The following COL16A1 variants were observed in gnomAD, a reference collection of about 807,000 sequenced individuals.
The protein encoded by COL16A1 is collagen type XVI alpha 1 chain.
COL16A1 carries 189 observed loss-of-function variants against 266.3 expected under a neutral mutation model. That is an observed-to-expected ratio of 0.71 (90% CI 0.63 to 0.80). The LOEUF (loss-of-function observed/expected upper bound fraction) is 0.80. Ranked by LOEUF, COL16A1 falls within the 30% of genes least tolerant of loss-of-function variation. The probability of loss-of-function intolerance (pLI) is 0.00; values close to 1 mark genes in which losing one functional copy is unlikely to be tolerated. For synonymous variants in COL16A1, 740 were observed against 782.3 expected, an observed-to-expected ratio of 0.95 and a Z score of 0.90; for missense variants, 1,928 against 2,122.4, an observed-to-expected ratio of 0.91 and a Z score of 1.80.
At chr1:31,667,671 T>G in intron 51 of COL16A1, 43 bp from the exon 52 acceptor site, 2 of 1,555,980 alleles carry the variant, frequency 1.3e-6, no homozygotes, top group Non-Finnish European at 1.8e-6. Flanking sequence ...CCCACAGAAT[T>G]AGTCCGTCAC....
Position 31,657,936 on chromosome 1 carries a change from G to A in COL16A1, c.4020+552C>T, listed in dbSNP as rs972195557. On this transcript the variant is annotated intron_variant, in intron 64 of 70. Transcript: ENST00000373672. The surrounding 1 kb of genome is among the most constrained non-coding windows in gnomAD (Gnocchi z 6.4). ...CTCCGAGCAACCTGCCTAACCTTGCGGAGCCCCCGTTTCCTCATCTGTAAA... is the reference window on the plus strand; with the variant it reads ...CTCCGAGCAACCTGCCTAACCTTGCAGAGCCCCCGTTTCCTCATCTGTAAA... Among the ~76,000 whole-genome samples the A allele has an allele frequency of 2.0e-5, 3 of 152,196 alleles. No homozygotes were observed. Among genetic ancestry groups the A allele is most frequent in the African/African-American group, 4.8e-5 (2 of 41,442 alleles).
chr1:31,676,444 C>A (rs1402180794), intron 42 of COL16A1, among the ~76,000 whole-genome samples: 1 of 152,110 alleles, frequency 6.6e-6, no homozygotes, highest in Non-Finnish European at 1.5e-5. Context: ...CTCTCTTAAC[C>A]ACAATTCTAG....
intron 70 of COL16A1, 26 bp downstream of exon 70, chr1:31,653,573 T>C: frequency 6.2e-7 from 1 of 1,607,624 alleles, no homozygotes; most frequent in Non-Finnish European, 8.5e-7. Context: ...TCTGGATTCA[T>C]GGTCTCAAAT....
chr1:31,661,759 A>G (rs1298771165), intron 58 of COL16A1, 55 bp from the exon 59 acceptor site: 18 of 1,553,620 alleles, frequency 1.2e-5, no homozygotes, highest in East Asian at 2.3e-5. Flanking sequence ...CTTGTATCCA[A>G]CTCATACCTC....
intron 43 of COL16A1, 89 bp from the exon 44 acceptor site, chr1:31,675,128 G>A (rs1021941416): frequency 1.9e-6 from 3 of 1,610,038 alleles, no homozygotes; most frequent in Admixed American, 1.7e-5. Context: ...GACACGTCAT[G>A]CACCTTCCAG....
rs1347516182 is a variant in COL16A1, at chr1:31,655,355, G to A, written c.4249C>T (p.Pro1417Ser). The A allele has an allele frequency of 5.0e-6, 8 of 1,612,832 alleles. No individual in the cohort carries two copies. The South Asian group carries it at 7.7e-5, about 16-fold the overall frequency. ...GERGHPGAPG[P>S]SGSPGLPGVP... ...CCAGGCAAGCCAGGGCTCCCCGAAG[G>A]CCCCGGAGCTCCAGGGTGGCCTCTC... The change falls in exon 67 of 71, where the codon CCT becomes TCT. Residue 1417 changes from proline to serine, a missense_variant. Transcript: ENST00000373672.
rs1187358389 is a variant in COL16A1 at position 31,664,495 on chromosome 1, G to A, written c.3555+677C>T. The stretch of plus-strand genomic sequence containing the variant: ...ACCCCAAGCTCAGAAGTCAATCTTC[G>A]GGCTTCTTACACCACCCACTCAGCA... On this transcript the variant is annotated intron_variant, in intron 56 of 70. Coordinates refer to ENST00000373672, the MANE Select transcript of COL16A1 (RefSeq NM_001856.4). The surrounding 1 kb of genome is among the most constrained non-coding windows in gnomAD (Gnocchi z 5.5). Among the ~76,000 whole-genome samples, 34 of 152,124 alleles carry A rather than the reference G, an allele frequency of 2.2e-4. No homozygotes were observed. The highest frequency in any genetic ancestry group is 2.1e-3 in the Admixed American group (32 of 15,278).
intron 56 of COL16A1, 28 bp from the exon 57 acceptor site, chr1:31,662,686 C>CG (rs1553159508): frequency 4.8e-4 from 485 of 1,020,830 alleles, no homozygotes; most frequent in East Asian, 1.9e-3. Context: ...CCCCCCCCCC[C>CG]GCCCCACAAT....
In COL16A1 at chr1:31,673,320, C is replaced by T. The variant is rs570982435; in HGVS notation, c.2860-480G>A. The T allele has an allele frequency of 1.1e-4, 19 of 175,086 alleles. No homozygotes were observed. The East Asian group carries it at 2.7e-3, about 25-fold the overall frequency. 10.8% of individuals were successfully genotyped at this position (175,086 alleles called of 1,614,324 possible). A position where few individuals can be genotyped will look rare whatever the true frequency, so the allele number is the denominator to read the frequency against. On this transcript the variant is annotated intron_variant, in intron 44 of 70. Transcript: ENST00000373672. Reference sequence around the variant, plus strand: ...TCAGATTGCTCACAGGCTCCTGGCTCGGATCGCGCCACCAGAATTGTCTTC... The same window carrying T: ...TCAGATTGCTCACAGGCTCCTGGCTTGGATCGCGCCACCAGAATTGTCTTC...
chr1:31,683,362 G>T lies in COL16A1; in HGVS notation c.2387C>A (p.Pro796His). ...GRGVQGPQGEPGAPGLPGIQG... is the reference protein window; with the variant it reads ...GRGVQGPQGEHGAPGLPGIQG... ...AATGCCAGGCAAACCCGGGGCTCCA[G>T]GCTCCCCCTGCAAGTCAGAAAGGGC... The change falls in exon 35 of 71, where the codon CCT becomes CAT. Residue 796 changes from proline (P) to histidine (H), a missense_variant. Around this residue, in one of 2 missense-constraint regions of COL16A1, gnomAD observed 1,552 missense variants for 1,637.2 expected, o/e 0.95. Coordinates refer to ENST00000373672, the MANE Select transcript of COL16A1 (RefSeq NM_001856.4). The T allele has an allele frequency of 6.2e-7, 1 of 1,614,098 alleles. No individual in the cohort carries two copies. Among genetic ancestry groups the T allele is most frequent in the South Asian group, 1.1e-5 (1 of 91,082 alleles).
At chr1:31,666,282 A>G in intron 52 of COL16A1, 1 of 599,712 alleles carries the variant, frequency 1.7e-6, no homozygotes, top group Non-Finnish European at 2.9e-6. Context: ...TCGTCCTGCC[A>G]CCTCCTGGCT....
At chr1:31,684,780 T>C in intron 30 of COL16A1, 41 bp downstream of exon 30, 1 of 1,613,996 alleles carries the variant, frequency 6.2e-7, no homozygotes, top group East Asian at 2.2e-5. Flanking sequence ...GGATCTGAGA[T>C]GATGCCATGC....
chr1:31,689,631 G>C (rs951813970), intron 23 of COL16A1, 110 bp downstream of exon 23: 4 of 833,446 alleles, frequency 4.8e-6, no homozygotes, highest in Non-Finnish European at 8.1e-6. Context: ...TAATCTCTCT[G>C]TAGCCACGAG....
Position 31,662,626 on chromosome 1 carries a change from C to A in COL16A1, c.3588G>T (p.Leu1196=). ...GSEGIRGPSG[L]PGSPGPPGPP... Reference sequence around the variant, plus strand: ...GTCCCGGTGGCCCAGGGGAGCCAGGCAGGCCTGATGGGCCTCGAATCCCTT... The same window carrying A: ...GTCCCGGTGGCCCAGGGGAGCCAGGAAGGCCTGATGGGCCTCGAATCCCTT... Residue 1196 remains leucine, a synonymous_variant, in exon 57 of 71, where the codon CTG becomes CTT. Coordinates refer to ENST00000373672, the MANE Select transcript of COL16A1 (RefSeq NM_001856.4). The A allele has an allele frequency of 1.3e-6, 2 of 1,560,476 alleles. No homozygotes were observed. The highest frequency in any genetic ancestry group is 1.7e-6 in the Non-Finnish European group (2 of 1,152,908).
rs762920912 is a variant in COL16A1 at position 31,655,488 on chromosome 1, A to T, written c.4116T>A (p.Ala1372=). ...GPPGPKGDPG[A]AGQKGQAGEK... ...CTCCTGCCTGGCCCTTCTGTCCTGCAGCTCCTGGATCACCCTACAAAGATA... is the reference window on the plus strand; with the variant it reads ...CTCCTGCCTGGCCCTTCTGTCCTGCTGCTCCTGGATCACCCTACAAAGATA... Residue 1372 remains alanine (A), a synonymous_variant, in exon 67 of 71, where the codon GCT becomes GCA. Coordinates refer to ENST00000373672, the MANE Select transcript of COL16A1 (RefSeq NM_001856.4). 48 of 1,613,848 alleles carry T rather than the reference A, an allele frequency of 3.0e-5. 1 individual carries two copies. Among genetic ancestry groups the T allele is most frequent in the Non-Finnish European group, 3.9e-5 (46 of 1,179,938 alleles).
Position 31,654,044 on chromosome 1 carries a change from CTG to C in COL16A1, c.4358-3_4358-2del. 13 of 1,611,042 alleles carry C rather than the reference CTG, an allele frequency of 8.1e-6. No homozygotes were observed. Among genetic ancestry groups the C allele is most frequent in the Non-Finnish European group, 1.0e-5 (12 of 1,178,544 alleles). ...CTGGAGGTGTAGTAAGCCATTCTCT[CTG>C]TAAAAAAAGGACAAGGACAGGGACA... On this transcript the variant is annotated splice_acceptor_variant and splice_polypyrimidine_tract_variant and intron_variant, in intron 68 of 70. Transcript: ENST00000373672. LOFTEE classifies it high-confidence loss of function.
At position 31,685,703 on chromosome 1, in the gene COL16A1, A is replaced by G. The variant is rs1159085961; in HGVS notation, c.1952T>C (p.Leu651Ser). Residue 651 changes from leucine (L) to serine (S), a missense_variant, in exon 29 of 71, where the codon TTG (leucine) becomes TCG (serine). Coordinates refer to ENST00000373672, the MANE Select transcript of COL16A1 (RefSeq NM_001856.4). The surrounding 1 kb of genome is among the most constrained non-coding windows in gnomAD (Gnocchi z 4.0). The part of the protein sequence containing the change: ...LQDGDVRVVA[L>S]PGPSGEKGEP... ...CCCCTTCTCTCCGGATGGGCCAGGC[A>G]AGGCCACCACACGGACATCCCCATC... 6.2e-7 allele frequency: 1 copy of G among 1,613,990 alleles called. No individual in the cohort carries two copies. The highest frequency in any genetic ancestry group is 1.7e-5 in the Admixed American group (1 of 60,016).
chr1:31,672,946 C>A (rs1444965521), intron 44 of COL16A1, 106 bp from the exon 45 acceptor site: 3 of 1,040,424 alleles, frequency 2.9e-6, no homozygotes, highest in Non-Finnish European at 4.3e-6. Context: ...CCTGCCCTGC[C>A]GTCTTCCCTC....
intron 21 of COL16A1, 66 bp downstream of exon 21, chr1:31,690,463 A>G (rs901868466): frequency 6.2e-7 from 1 of 1,613,936 alleles, no homozygotes; most frequent in African/African-American, 1.3e-5. Flanking sequence ...GGGCCGGAGG[A>G]CCTAGCCCCT....
Sources: gnomAD v4.1 joint callset for allele counts (sites outside exome capture counted in the v4.1 genomes callset) on GRCh38, gnomAD v4.1.1 for gene constraint, gnomAD v4.1.1 regional missense constraint, Gnocchi (gnomAD v3.1) non-coding constraint, MANE v1.5 for transcripts, NCBI Gene and HGNC (gene_info 2026-07-23, HGNC 2026-07-21) for gene names.